The following TTC29 variants were observed in gnomAD, a reference collection of about 807,000 sequenced individuals.
TTC29 encodes tetratricopeptide repeat protein 29.
Under a neutral mutation model 58.1 loss-of-function variants are expected in TTC29, and 49 were observed. The observed-to-expected ratio is 0.84, with a 90% CI of 0.67 to 1.07. TTC29 has a LOEUF of 1.07. Ranked by LOEUF, TTC29 falls within the 50% of genes least tolerant of loss-of-function variation. The pLI, the probability that TTC29 is intolerant of heterozygous loss-of-function variation, is 0.00. For synonymous variants in TTC29, 209 were observed against 196.8 expected, an observed-to-expected ratio of 1.06 and a Z score of -0.52; for missense variants, 582 against 555.6, an observed-to-expected ratio of 1.05 and a Z score of -0.48.
chr4:146,746,254 C>A (rs1385745054), intron 11 of TTC29, among the ~76,000 whole-genome samples: 2 of 152,148 alleles, frequency 1.3e-5, no homozygotes, highest in Non-Finnish European at 2.9e-5. Flanking sequence ...ATGAAGTGAG[C>A]AACAAGTCAG....
At chr4:146,907,358 C>T (rs1733589717) in intron 5 of TTC29, among the ~76,000 whole-genome samples, 1 of 152,006 alleles carries the variant, frequency 6.6e-6, no homozygotes, top group African/African-American at 2.4e-5. Context: ...CCAATGAAAG[C>T]CTCAATTTAA....
At chr4:146,785,182 A>ATAAC (rs1426332728) in intron 11 of TTC29, among the ~76,000 whole-genome samples, 1 of 139,604 alleles carries the variant, frequency 7.2e-6, no homozygotes, top group East Asian at 2.1e-4. Context: ...CTGTCTGTTT[A>ATAAC]TAACTTGCTG....
In TTC29 at chr4:146,921,251, C is replaced by T. The variant is rs754071738; in HGVS notation, c.177-12002G>A. Among the ~76,000 whole-genome samples the T allele has an allele frequency of 7.9e-4, 120 of 151,242 alleles. 1 individual carries two copies. Among genetic ancestry groups the T allele is most frequent in the Non-Finnish European group, 1.8e-4 (12 of 67,344 alleles). ...TCTTGTATATAAAGATCTTGTTTTC[C>T]TGAATATCATATTAATTTTATTGCA... On this transcript the variant is annotated intron_variant, in intron 4 of 12. Coordinates refer to ENST00000325106, the MANE Select transcript of TTC29 (RefSeq NM_031956.4).
intron 10 of TTC29, among the ~76,000 whole-genome samples, chr4:146,810,055 C>T (rs1750907143): frequency 6.6e-6 from 1 of 152,104 alleles, no homozygotes; most frequent in African/African-American, 2.4e-5. Flanking sequence ...AAATGTGGGA[C>T]ATATACACCA....
At chr4:146,780,344 T>C (rs1340440385) in intron 11 of TTC29, among the ~76,000 whole-genome samples, 10 of 145,212 alleles carry the variant, frequency 6.9e-5, no homozygotes, top group Non-Finnish European at 1.5e-4. Context: ...TGTGTGTGTG[T>C]GTGTAGATGT....
intron 4 of TTC29, among the ~76,000 whole-genome samples, chr4:146,928,649 T>A (rs1735101910): frequency 6.6e-6 from 1 of 152,200 alleles, no homozygotes; most frequent in African/African-American, 2.4e-5. Context: ...TCATTTTTTA[T>A]CTATTCCTTT....
chr4:146,803,278 C>T (rs1750360070), intron 11 of TTC29, among the ~76,000 whole-genome samples, 179 bp downstream of exon 11: 1 of 151,794 alleles, frequency 6.6e-6, no homozygotes, highest in Non-Finnish European at 1.5e-5. Flanking sequence ...TTCTCTTAAA[C>T]ATCAAAGGTA....
chr4:146,760,683 G>A (rs1211271419), intron 11 of TTC29, among the ~76,000 whole-genome samples: 2 of 150,972 alleles, frequency 1.3e-5, no homozygotes, highest in Non-Finnish European at 3.0e-5. Flanking sequence ...ACATAAAGTG[G>A]GGAAAGGACA....
intron 11 of TTC29, among the ~76,000 whole-genome samples, chr4:146,753,945 C>G (rs974737686): frequency 4.6e-5 from 7 of 151,788 alleles, no homozygotes; most frequent in Non-Finnish European, 8.8e-5. Flanking sequence ...AGGAGATATA[C>G]CTAATGCTAA....
Position 146,725,934 on chromosome 4 carries a change from G to GTAA in TTC29, c.1331-18386_1331-18384dup, listed in dbSNP as rs1409095453. ...GTTGCCCAGGTTGGAGTGCAATGGT[G>GTAA]TAATTATAGTCCACTGCAGCCTGCA... On this transcript the variant is annotated intron_variant, in intron 11 of 12. Transcript: ENST00000325106. Among the ~76,000 whole-genome samples the GTAA allele has an allele frequency of 2.0e-5, 3 of 152,220 alleles. No homozygotes were observed. In the South Asian group the frequency reaches 6.2e-4, roughly 32 times the overall value.
intron 9 of TTC29, among the ~76,000 whole-genome samples, chr4:146,832,346 A>C (rs557608933): frequency 6.6e-6 from 1 of 152,136 alleles, no homozygotes; most frequent in African/African-American, 2.4e-5. Context: ...TGGAAGTAAA[A>C]GTTTTGAAAA....
chr4:146,894,624 TAC>T (rs1418551611), intron 6 of TTC29, among the ~76,000 whole-genome samples: 2 of 152,052 alleles, frequency 1.3e-5, no homozygotes, highest in Admixed American at 6.6e-5. Flanking sequence ...GGCACATGTA[TAC>T]ATATGTAACT....
At position 146,706,912 on chromosome 4, in the gene TTC29, G is replaced by A; in HGVS notation, c.*246C>T. ...ATTTCTTGTGGAATAGTGGATAAGA[G>A]GAAATCATTTATTTCATGGATGATT... On this transcript the variant is annotated 3_prime_UTR_variant, in exon 13 of 13. Transcript: ENST00000325106. The A allele has an allele frequency of 3.0e-6, 1 of 333,380 alleles. No homozygotes were observed. The highest frequency in any genetic ancestry group is 5.4e-6 in the Non-Finnish European group (1 of 185,642). 20.7% of individuals were successfully genotyped at this position (333,380 alleles called of 1,614,324 possible).
At chr4:146,881,375 G>T (rs1308854572) in intron 6 of TTC29, among the ~76,000 whole-genome samples, 1 of 152,042 alleles carries the variant, frequency 6.6e-6, no homozygotes, top group Non-Finnish European at 1.5e-5. Context: ...TCAAAATTGT[G>T]CACATTTGCT....
intron 8 of TTC29, among the ~76,000 whole-genome samples, chr4:146,867,050 C>G (rs62328023): frequency 3.5e-4 from 53 of 152,308 alleles, no homozygotes; most frequent in African/African-American, 1.2e-3. Context: ...GTTGCCTCCC[C>G]ACTACCTGCA....
intron 11 of TTC29, among the ~76,000 whole-genome samples, chr4:146,725,986 C>T (rs531000263): frequency 6.6e-6 from 1 of 152,140 alleles, no homozygotes; most frequent in Non-Finnish European, 1.5e-5. Context: ...GATCCTGTCA[C>T]CTCAGTCTCC....
At chr4:146,824,677 G>C (rs1043592609) in intron 9 of TTC29, among the ~76,000 whole-genome samples, 1 of 152,160 alleles carries the variant, frequency 6.6e-6, no homozygotes, top group African/African-American at 2.4e-5. Flanking sequence ...AGAAGGAATA[G>C]CATCAGTTCC....
chr4:146,744,746 G>A (rs1745417444), intron 11 of TTC29, among the ~76,000 whole-genome samples: 1 of 152,084 alleles, frequency 6.6e-6, no homozygotes, highest in East Asian at 1.9e-4. Context: ...CTGTGTATGA[G>A]ATCTCTGAGG....
At chr4:146,898,784 T>C (rs1438017922) in intron 6 of TTC29, among the ~76,000 whole-genome samples, 1 of 152,118 alleles carries the variant, frequency 6.6e-6, no homozygotes, top group Non-Finnish European at 1.5e-5. Context: ...AAGTGGGAGA[T>C]GATACTTACA....
Sources: allele counts gnomAD v4.1 joint callset (sites outside exome capture counted in the v4.1 genomes callset), GRCh38; gene constraint gnomAD v4.1.1; transcripts MANE v1.5; gene names NCBI Gene and HGNC (gene_info 2026-07-23, HGNC 2026-07-21).